The following AHCTF1 variants were observed in gnomAD, a reference collection of about 807,000 sequenced individuals.
AHCTF1 encodes the protein protein ELYS.
In AHCTF1, 24 loss-of-function variants were observed where a neutral mutation model predicts 248.4. That is an observed-to-expected ratio of 0.10 (90% CI 0.07 to 0.14). The LOEUF (loss-of-function observed/expected upper bound fraction) is 0.14, where lower values mean the gene tolerates loss of function less well. Among genes scored for constraint, AHCTF1 ranks in the 10% least tolerant of loss-of-function variants. AHCTF1 has a pLI of 1.00. For synonymous variants in AHCTF1, 786 were observed against 929.8 expected (o/e 0.85, Z 2.81); for missense variants, 2,206 against 2,636.2 (o/e 0.84, Z 3.57).
intron 31 of AHCTF1, among the ~76,000 whole-genome samples, chr1:246,853,818 C>A (rs1168016294): frequency 6.7e-6 from 1 of 149,398 alleles, no homozygotes; most frequent in Non-Finnish European, 1.5e-5. Flanking sequence ...AAAAGATGAA[C>A]TAGGAAAAAA....
intron 14 of AHCTF1, among the ~76,000 whole-genome samples, chr1:246,892,125 C>A (rs2800219): frequency 0.61 from 91,973 of 151,780 alleles, 30,099 homozygotes; most frequent in African/African-American, 0.87. Context: ...AAGAGTGAGA[C>A]TATGAACTCA....
rs796550402 is a variant in AHCTF1 at position 246,843,921 on chromosome 1, T to A, written c.6399A>T (p.Lys2133Asn). Residue 2133 changes from lysine to asparagine, a missense_variant, in exon 34 of 36, where the codon AAA (lysine) becomes AAT (asparagine). By Grantham distance (94) the Lys-to-Asn change is moderately conservative. Coordinates refer to ENST00000648844, the MANE Select transcript of AHCTF1 (RefSeq NM_001323342.2). ...SEVPRKAKAK[K>N]IEVPAQLKEL... ...CTTTCAGCTGTGCAGGAACCTCTAT[T>A]TTTTTAGCTAAAAAAAGTTGAAAAA... is the stretch of plus-strand genomic sequence containing the variant. 6 of 1,456,396 alleles carry A rather than the reference T, an allele frequency of 4.1e-6. No individual in the cohort carries two copies. The highest frequency in any genetic ancestry group is 5.4e-6 in the Non-Finnish European group (6 of 1,102,156). 90.2% of individuals were successfully genotyped at this position (1,456,396 alleles called of 1,614,324 possible).
intron 3 of AHCTF1, 81 bp from the exon 4 acceptor site, chr1:246,913,493 G>A (rs1427271561): frequency 5.2e-6 from 7 of 1,353,508 alleles, no homozygotes; most frequent in Non-Finnish European, 6.0e-6. Context: ...AGTTAAAGCA[G>A]GTTATCAGTT....
At position 246,862,071 on chromosome 1, in the gene AHCTF1, C is replaced by T. The variant is rs558983340; in HGVS notation, c.3623G>A (p.Arg1208Gln). Reference sequence around the variant, plus strand: ...AGAGGGAGATGCTAAAGGTGTTGATCGAAGAGTAGACCTCAGGATGGACTG... The same window carrying T: ...AGAGGGAGATGCTAAAGGTGTTGATTGAAGAGTAGACCTCAGGATGGACTG... ...TPQSILRSTL[R>Q]STPLASPSPS... Residue 1208 changes from arginine (R) to glutamine (Q), a missense_variant, in exon 28 of 36, where the codon CGA becomes CAA. By Grantham distance (43) the Arg-to-Gln change is conservative (BLOSUM62 1). Coordinates refer to ENST00000648844, the MANE Select transcript of AHCTF1 (RefSeq NM_001323342.2). 16 of 1,612,334 alleles carry T rather than the reference C, an allele frequency of 9.9e-6. No individual in the cohort carries two copies. The highest frequency in any genetic ancestry group is 5.5e-5 in the South Asian group (5 of 91,000).
chr1:246,869,006 G>T (rs1224288791), intron 24 of AHCTF1, among the ~76,000 whole-genome samples: 5 of 151,358 alleles, frequency 3.3e-5, no homozygotes, highest in South Asian at 2.1e-4. Flanking sequence ...CACCATGCCT[G>T]GCTAACTTTT....
At chr1:246,902,796 G>T in intron 7 of AHCTF1, 121 bp from the exon 8 acceptor site, 1 of 951,598 alleles carries the variant, frequency 1.1e-6, no homozygotes, top group Non-Finnish European at 1.5e-6. Context: ...TTAGACTGAA[G>T]AGAACCAATC....
At chr1:246,845,370 AAAAG>A (rs527548077) in intron 33 of AHCTF1, among the ~76,000 whole-genome samples, 153 of 145,842 alleles carry the variant, frequency 1.0e-3, no homozygotes, top group African/African-American at 3.6e-3. Flanking sequence ...ATTCTTAAAA[AAAAG>A]AAAAATAGAG....
At position 246,931,917 on chromosome 1, in the gene AHCTF1, C is replaced by T. The variant is rs1572490819; in HGVS notation, c.-347G>A. The stretch of plus-strand genomic sequence containing the variant: ...TGCTCGCCTCGGACAGCGCCGGCCC[C>T]GCTCTGCGCATTACCCTGCGCCGAC... On this transcript the variant is annotated 5_prime_UTR_variant, in exon 1 of 36. Coordinates refer to ENST00000648844, the MANE Select transcript of AHCTF1 (RefSeq NM_001323342.2). The T allele has an allele frequency of 6.6e-6, 1 of 152,668 alleles. No individual in the cohort carries two copies. The highest frequency in any genetic ancestry group is 1.9e-4 in the East Asian group (1 of 5,186). The allele number at this position is 152,668 out of a possible 1,614,324, so 9.5% of individuals were successfully genotyped here. A position where few individuals can be genotyped will look rare whatever the true frequency, so the allele number is the denominator to read the frequency against.
At chr1:246,905,249 C>A (rs983553613) in intron 6 of AHCTF1, among the ~76,000 whole-genome samples, 1 of 152,140 alleles carries the variant, frequency 6.6e-6, no homozygotes, top group African/African-American at 2.4e-5. Flanking sequence ...CCTGTAATCC[C>A]AGCACTTTGG....
intron 21 of AHCTF1, among the ~76,000 whole-genome samples, chr1:246,879,784 G>A (rs1161189522): frequency 6.6e-6 from 1 of 151,724 alleles, no homozygotes; most frequent in East Asian, 1.9e-4. Context: ...AGCCAAAACC[G>A]CTCCACTAAC....
rs538426373 is a variant in AHCTF1 at position 246,868,570 on chromosome 1, T to C, written c.3089-759A>G. On this transcript the variant is annotated intron_variant, in intron 24 of 35. Transcript: ENST00000648844. ...GCCTGGCCTACATTTTGTTTCATTA[T>C]AGCTATGCTGGATTTAGGAAGTTGG... Among the ~76,000 whole-genome samples, 6 of 150,050 alleles carry C rather than the reference T, an allele frequency of 4.0e-5. No individual in the cohort carries two copies. The East Asian group carries it at 9.9e-4, about 25-fold the overall frequency.
intron 6 of AHCTF1, 136 bp from the exon 7 acceptor site, chr1:246,904,169 C>T (rs1266864198): frequency 7.9e-6 from 5 of 636,748 alleles, no homozygotes; most frequent in East Asian, 2.8e-5. Context: ...ATTTAGTTTT[C>T]GGTAATTTTT....
At position 246,891,771 on chromosome 1, in the gene AHCTF1, G is replaced by C. The variant is rs764438231; in HGVS notation, c.1945+8C>G. 6.2e-7 allele frequency: 1 copy of C among 1,606,350 alleles called. No homozygotes were observed. The highest frequency in any genetic ancestry group is 8.5e-7 in the Non-Finnish European group (1 of 1,178,252). Reference sequence around the variant, plus strand: ...TAAAACACTCATTTGATAAAACAAAGAGCGTACCTCTCTCAGTGATCTCTC... The same window carrying C: ...TAAAACACTCATTTGATAAAACAAACAGCGTACCTCTCTCAGTGATCTCTC... On this transcript the variant is annotated splice_region_variant and intron_variant, in intron 15 of 35. Coordinates refer to ENST00000648844, the MANE Select transcript of AHCTF1 (RefSeq NM_001323342.2).
chr1:246,872,791 G>T (rs1308524730), intron 24 of AHCTF1, among the ~76,000 whole-genome samples: 1 of 152,156 alleles, frequency 6.6e-6, no homozygotes, highest in Non-Finnish European at 1.5e-5. Flanking sequence ...TTCGAAGTGT[G>T]CTGCTGTCGA....
At chr1:246,870,848 C>A (rs776894710) in intron 24 of AHCTF1, among the ~76,000 whole-genome samples, 1 of 151,922 alleles carries the variant, frequency 6.6e-6, no homozygotes, top group African/African-American at 2.4e-5. Flanking sequence ...TGAAAATGGC[C>A]GGATTCTGTC....
At chr1:246,903,230 G>A (rs1458940365) in intron 7 of AHCTF1, among the ~76,000 whole-genome samples, 1 of 152,164 alleles carries the variant, frequency 6.6e-6, no homozygotes, top group Non-Finnish European at 1.5e-5. Context: ...GCTATTAGCA[G>A]CACCCCTCCG....
chr1:246,898,457 A>G, intron 11 of AHCTF1, 121 bp from the exon 12 acceptor site: 1 of 1,082,474 alleles, frequency 9.2e-7, no homozygotes, highest in Non-Finnish European at 1.3e-6. Context: ...AAATTATGAA[A>G]GACTATATTT....
chr1:246,930,737 G>A (rs1195959291), intron 1 of AHCTF1, among the ~76,000 whole-genome samples: 1 of 152,048 alleles, frequency 6.6e-6, no homozygotes, highest in Non-Finnish European at 1.5e-5. Flanking sequence ...AAATCTACAG[G>A]TTCTTTAGGA....
intron 8 of AHCTF1, among the ~76,000 whole-genome samples, chr1:246,901,172 T>C (rs1664970557): frequency 6.6e-6 from 1 of 151,512 alleles, no homozygotes; most frequent in African/African-American, 2.4e-5. Context: ...AAACCTCATC[T>C]CTACAAAAAA....
Sources: allele counts gnomAD v4.1 joint callset (sites outside exome capture counted in the v4.1 genomes callset), GRCh38; gene constraint gnomAD v4.1.1; transcripts MANE v1.5; gene names NCBI Gene and HGNC (gene_info 2026-07-23, HGNC 2026-07-21).